MYH15: variants seen among roughly 807,000 people sequenced by gnomAD.
The protein encoded by MYH15 is myosin-15.
Under a neutral mutation model 240.5 loss-of-function variants are expected in MYH15, and 227 were observed. The ratio of observed to expected loss-of-function variants is 0.94; its 90% CI spans 0.85 to 1.05. The LOEUF is 1.05. Ranked by LOEUF, MYH15 falls within the 50% of genes least tolerant of loss-of-function variation. MYH15 has a pLI of 0.00. For missense variants in MYH15, 2,217 were observed against 2,247.5 expected (o/e 0.99, Z 0.27); for synonymous variants, 785 against 796.7 (o/e 0.99, Z 0.25).
intron 28 of MYH15, among the ~76,000 whole-genome samples, chr3:108,417,324 C>A (rs1381832936): frequency 6.6e-6 from 1 of 152,126 alleles, no homozygotes; most frequent in Non-Finnish European, 1.5e-5. Flanking sequence ...GAAACAGAAA[C>A]ATACACAGTT....
intron 12 of MYH15, 77 bp from the exon 13 acceptor site, chr3:108,470,924 T>C (rs1170898915): frequency 2.3e-5 from 34 of 1,454,562 alleles, no homozygotes; most frequent in Non-Finnish European, 3.2e-5. Flanking sequence ...TATCAGCAAC[T>C]GCCTTCTAGT....
upstream of MYH15, among the ~76,000 whole-genome samples, chr3:108,514,038 G>C (rs921970308): frequency 6.6e-5 from 10 of 152,182 alleles, no homozygotes; most frequent in African/African-American, 2.4e-4. Flanking sequence ...CAAAGAATGG[G>C]AAGCCCTTAC....
At chr3:108,400,150 T>C (rs1186112196) in intron 33 of MYH15, among the ~76,000 whole-genome samples, 1 of 152,150 alleles carries the variant, frequency 6.6e-6, no homozygotes, top group African/African-American at 2.4e-5. Context: ...CTACCAAACT[T>C]GATGGCCACA....
At chr3:108,391,642 C>G (rs759442293) in intron 37 of MYH15, 118 bp downstream of exon 37, 1 of 1,133,954 alleles carries the variant, frequency 8.8e-7, no homozygotes, top group Non-Finnish European at 1.3e-6. Context: ...TCTGAAAGTA[C>G]TAAAAGCAAA....
At chr3:108,498,228 T>A in intron 5 of MYH15, 83 bp from the exon 6 acceptor site, 2 of 1,188,782 alleles carry the variant, frequency 1.7e-6, no homozygotes, top group East Asian at 4.7e-5. Flanking sequence ...TTATATAGGC[T>A]ATGGCAAGCA....
In MYH15 at chr3:108,492,561, C is replaced by T. The variant is rs1391852990; in HGVS notation, c.810G>A (p.Gln270=). ...ATATGTGGTAGTTCCTCTCTCCAGCCTGCTGGAAAATCACCCTGGACTTTT... is the reference window on the plus strand; with the variant it reads ...ATATGTGGTAGTTCCTCTCTCCAGCTTGCTGGAAAATCACCCTGGACTTTT... ...LLEKSRVIFQ[Q]AGERNYHIFY... Residue 270 remains glutamine, a synonymous_variant, in exon 9 of 41, where the codon CAG becomes CAA. Transcript: ENST00000693548. 1 of 1,613,524 alleles carries T rather than the reference C, an allele frequency of 6.2e-7. No homozygotes were observed. Among genetic ancestry groups the T allele is most frequent in the Admixed American group, 1.7e-5 (1 of 59,998 alleles).
chr3:108,421,328 A>G lies in MYH15; in HGVS notation c.3703-114T>C, dbSNP rs1331824096. On this transcript the variant is annotated intron_variant, in intron 27 of 40. Transcript: ENST00000693548. ...GGATCCGCATGCTCTCTTCTGTAGT[A>G]AAGAGCTCAGCCAGCATTGGGAGAT... is the stretch of plus-strand genomic sequence containing the variant. 4.9e-6 allele frequency: 6 copies of G among 1,236,704 alleles called. No homozygotes were observed. In the African/African-American group the frequency reaches 6.0e-5, roughly 12 times the overall value. 76.6% of individuals were successfully genotyped at this position (1,236,704 alleles called of 1,614,324 possible).
chr3:108,549,636 C>A, the MYH15 span, among the ~76,000 whole-genome samples: 1 of 151,776 alleles, frequency 6.6e-6, no homozygotes, highest in Non-Finnish European at 1.5e-5. Flanking sequence ...TTAATAAAAT[C>A]AAAAATTTAG....
intron 40 of MYH15, 74 bp downstream of exon 40, chr3:108,383,521 C>A: frequency 6.8e-7 from 1 of 1,476,324 alleles, no homozygotes; most frequent in Non-Finnish European, 9.1e-7. Flanking sequence ...TCTTGTTATA[C>A]TGGTCCATGC....
At chr3:108,486,324 G>A in intron 10 of MYH15, 99 bp downstream of exon 10, 2 of 931,458 alleles carry the variant, frequency 2.1e-6, no homozygotes, top group Non-Finnish European at 3.2e-6. Flanking sequence ...ACGGAAGCAA[G>A]ACCACTTCTC....
At chr3:108,382,644 C>T (rs191877493) in intron 40 of MYH15, among the ~76,000 whole-genome samples, 8 of 152,120 alleles carry the variant, frequency 5.3e-5, no homozygotes, top group East Asian at 1.9e-4. Context: ...AGAGGGAAGA[C>T]GTTTAAGATT....
intron 33 of MYH15, among the ~76,000 whole-genome samples, chr3:108,403,795 C>T (rs1421436830): frequency 2.0e-5 from 3 of 152,086 alleles, no homozygotes; most frequent in African/African-American, 7.2e-5. Flanking sequence ...TCCTTCAGTT[C>T]TTTCTTCTTC....
the MYH15 span, among the ~76,000 whole-genome samples, chr3:108,548,034 G>C: frequency 1.3e-5 from 2 of 152,250 alleles, no homozygotes; most frequent in South Asian, 4.1e-4. Context: ...ATTATCACAT[G>C]GTTTTGAAGG....
chr3:108,428,367 T>C (rs2082743364), intron 27 of MYH15, 125 bp downstream of exon 27: 1 of 1,168,464 alleles, frequency 8.6e-7, no homozygotes, highest in Non-Finnish European at 1.2e-6. Flanking sequence ...CAAAGGACTA[T>C]AGTCTTCATT....
intron 9 of MYH15, among the ~76,000 whole-genome samples, chr3:108,487,022 C>A (rs1165372777): frequency 6.6e-6 from 1 of 152,190 alleles, no homozygotes; most frequent in African/African-American, 2.4e-5. Flanking sequence ...CACATCACAT[C>A]CTCGCTATTA....
chr3:108,539,198 TA>T, the MYH15 span, among the ~76,000 whole-genome samples: 1 of 152,008 alleles, frequency 6.6e-6, no homozygotes, highest in African/African-American at 2.4e-5. Flanking sequence ...ATTTAGAAAA[TA>T]AAAATTTAAA....
intron 9 of MYH15, 27 bp from the exon 10 acceptor site, chr3:108,486,553 C>T (rs2083307919): frequency 6.7e-7 from 1 of 1,499,974 alleles, no homozygotes; most frequent in Non-Finnish European, 9.2e-7. Flanking sequence ...ATTCGTTAAA[C>T]AGCTTAAAGA....
chr3:108,401,921 G>A (rs2082508767), intron 33 of MYH15, among the ~76,000 whole-genome samples: 1 of 152,082 alleles, frequency 6.6e-6, no homozygotes, highest in Admixed American at 6.6e-5. Flanking sequence ...AGGACCAAGG[G>A]CAATATAGGA....
At chr3:108,500,707 T>C (rs577377669) in intron 3 of MYH15, among the ~76,000 whole-genome samples, 66 of 152,280 alleles carry the variant, frequency 4.3e-4, no homozygotes, top group African/African-American at 1.5e-3. Flanking sequence ...CGCCCCCAAA[T>C]AGATATATTT....
Sources: gnomAD v4.1 joint callset for allele counts (sites outside exome capture counted in the v4.1 genomes callset) on GRCh38, gnomAD v4.1.1 for gene constraint, MANE v1.5 for transcripts, NCBI Gene and HGNC (gene_info 2026-07-23, HGNC 2026-07-21) for gene names.